DMD: variants seen among roughly 807,000 people sequenced by gnomAD.
The protein encoded by DMD is mutant dystrophin.
A neutral mutation model predicts 330.1 loss-of-function variants in DMD; 63 were observed. The observed-to-expected ratio is 0.19, with a 90% CI of 0.16 to 0.24. DMD has a LOEUF of 0.24. Ranked by LOEUF, DMD falls within the 10% of genes least tolerant of loss-of-function variation. The pLI is 1.00. For missense variants in DMD, 3,344 were observed against 2,684.1 expected, an observed-to-expected ratio of 1.25 and a Z score of -5.43; for synonymous variants, 1,223 against 959.8, an observed-to-expected ratio of 1.27 and a Z score of -5.07.
intron 2 of DMD, among the ~76,000 whole-genome samples, chrX:32,900,719 T>C (rs2086157800): frequency 9.0e-6 from 1 of 111,137 alleles, no homozygotes; most frequent in Non-Finnish European, 1.9e-5. Flanking sequence ...CACATGTAAA[T>C]CTTATATGTA....
chrX:31,575,398 C>T (rs960895707), intron 55 of DMD, among the ~76,000 whole-genome samples: 3 of 111,306 alleles, frequency 2.7e-5, no homozygotes, highest in Non-Finnish European at 3.8e-5. Context: ...AACTCTGCAA[C>T]TTAATTGTGA....
intron 7 of DMD, among the ~76,000 whole-genome samples, chrX:32,760,076 C>A (rs1412475092): frequency 1.0e-5 from 1 of 100,188 alleles, no homozygotes; most frequent in Non-Finnish European, 2.0e-5. Flanking sequence ...TTATATTATA[C>A]TTTTGACTCT....
intron 59 of DMD, among the ~76,000 whole-genome samples, chrX:31,455,667 G>A (rs1412759088): frequency 8.9e-6 from 1 of 112,145 alleles, no homozygotes; most frequent in Non-Finnish European, 1.9e-5. Context: ...GCTAATTTCT[G>A]AAGCATCTCT....
chrX:32,186,292 C>G (rs764370618), intron 44 of DMD, among the ~76,000 whole-genome samples: 1 of 111,089 alleles, frequency 9.0e-6, no homozygotes, highest in East Asian at 2.8e-4. Context: ...TCCATCTTTT[C>G]TTAATGCATT....
intron 60 of DMD, among the ~76,000 whole-genome samples, chrX:31,402,552 T>A (rs2061237067): frequency 8.9e-6 from 1 of 111,990 alleles, no homozygotes; most frequent in African/African-American, 3.2e-5. Flanking sequence ...TTAGTTTACT[T>A]CTAGTGATAA....
chrX:33,276,582 G>C (rs113723893), intron 1 of DMD, among the ~76,000 whole-genome samples: 1,244 of 111,411 alleles, frequency 0.011, 20 homozygotes, highest in African/African-American at 0.039. Flanking sequence ...GTATTCTATA[G>C]AGCTCCCCAA....
At chrX:31,947,646 T>C (rs1377604102) in intron 45 of DMD, among the ~76,000 whole-genome samples, 1 of 111,587 alleles carries the variant, frequency 9.0e-6, no homozygotes, top group Admixed American at 9.5e-5. Context: ...TAATTGAAAA[T>C]GTACTTTTGA....
At chrX:32,454,139 G>A (rs1032317514) in intron 26 of DMD, among the ~76,000 whole-genome samples, 2 of 110,788 alleles carry the variant, frequency 1.8e-5, no homozygotes, top group Admixed American at 9.6e-5. Context: ...AGTTTCCTTC[G>A]TAATAAGTCA....
intron 44 of DMD, among the ~76,000 whole-genome samples, chrX:32,016,245 C>T (rs1262494250): frequency 8.9e-6 from 1 of 111,792 alleles, no homozygotes; most frequent in African/African-American, 3.3e-5. Flanking sequence ...CCTTAATGTC[C>T]TCGCACTTGT....
chrX:32,739,062 C>A (rs1336482061), intron 7 of DMD, among the ~76,000 whole-genome samples: 1 of 112,122 alleles, frequency 8.9e-6, no homozygotes, highest in Non-Finnish European at 1.9e-5. Context: ...CCAAGTCCTG[C>A]ACTAAATGTT....
chrX:33,014,198 A>C (rs774339889), intron 2 of DMD, among the ~76,000 whole-genome samples: 25 of 111,443 alleles, frequency 2.2e-4, no homozygotes, highest in Non-Finnish European at 1.1e-4. Context: ...GAAGGCCAAC[A>C]TCCTACTCCC....
At chrX:32,309,510 G>T (rs1232741423) in intron 42 of DMD, among the ~76,000 whole-genome samples, 2 of 110,995 alleles carry the variant, frequency 1.8e-5, no homozygotes, top group Non-Finnish European at 3.8e-5. Context: ...CCTTACTTGA[G>T]AATTTAGTAA....
chrX:32,858,135 G>A (rs2149066531), intron 2 of DMD, among the ~76,000 whole-genome samples: 1 of 111,554 alleles, frequency 9.0e-6, no homozygotes, highest in East Asian at 2.8e-4. Flanking sequence ...CTCTAATAGA[G>A]TGCTTCTCAG....
chrX:31,971,614 A>C (rs895008030), intron 44 of DMD, among the ~76,000 whole-genome samples: 1 of 111,549 alleles, frequency 9.0e-6, no homozygotes, highest in African/African-American at 3.3e-5. Context: ...GTGATAAAGC[A>C]TAAGAAAGAA....
chrX:32,239,219 C>T (rs1224332490), intron 43 of DMD, among the ~76,000 whole-genome samples: 1 of 111,753 alleles, frequency 8.9e-6, no homozygotes, highest in Non-Finnish European at 1.9e-5. Flanking sequence ...TTGTGAAACA[C>T]TTACCTAGAA....
chrX:31,199,467 T>C (rs191266223), intron 67 of DMD, among the ~76,000 whole-genome samples: 40 of 112,625 alleles, frequency 3.6e-4, no homozygotes, highest in Non-Finnish European at 6.9e-4. Context: ...CTTCATTTCC[T>C]GGCTTAATGG....
At chrX:32,589,887 A>C (rs1346082875) in intron 13 of DMD, among the ~76,000 whole-genome samples, 1 of 111,384 alleles carries the variant, frequency 9.0e-6, no homozygotes. Context: ...CCTTCCCCAG[A>C]ATTTTCAGCA....
intron 44 of DMD, among the ~76,000 whole-genome samples, chrX:32,148,528 G>A (rs1470024539): frequency 9.1e-6 from 1 of 110,173 alleles, no homozygotes; most frequent in Non-Finnish European, 1.9e-5. Flanking sequence ...GACTTACAGA[G>A]GGACTTAATA....
intron 2 of DMD, among the ~76,000 whole-genome samples, chrX:32,886,507 C>A (rs777134066): frequency 1.8e-5 from 2 of 109,812 alleles, no homozygotes; most frequent in African/African-American, 6.6e-5. Context: ...CACGGTGAAA[C>A]CCCGTCTCTA....
Sources: allele counts gnomAD v4.1 joint callset (sites outside exome capture counted in the v4.1 genomes callset), GRCh38; gene constraint gnomAD v4.1.1; transcripts MANE v1.5; gene names NCBI Gene and HGNC (gene_info 2026-07-23, HGNC 2026-07-21).